MBNL2: variants seen among roughly 807,000 people sequenced by gnomAD.
The protein encoded by MBNL2 is muscleblind-like protein 2.
Under a neutral mutation model 41.9 loss-of-function variants are expected in MBNL2, and 17 were observed. That is an observed-to-expected ratio of 0.41 (90% CI 0.28 to 0.61). The LOEUF (loss-of-function observed/expected upper bound fraction) is 0.61, where lower values mean the gene tolerates loss of function less well. MBNL2 is among the 20% of genes least tolerant of loss of function. The probability of loss-of-function intolerance (pLI) is 0.35; values close to 1 mark genes in which losing one functional copy is unlikely to be tolerated. For missense variants in MBNL2, 336 were observed against 505.6 expected, an observed-to-expected ratio of 0.66 and a Z score of 3.22; for synonymous variants, 195 against 182.9, an observed-to-expected ratio of 1.07 and a Z score of -0.53.
chr13:97,245,793 CT>C (rs1345061008), intron 1 of MBNL2, among the ~76,000 whole-genome samples: 1 of 152,136 alleles, frequency 6.6e-6, no homozygotes, highest in Non-Finnish European at 1.5e-5. Context: ...TATTATTGCA[CT>C]TTTTGAAAGA....
chr13:97,288,738 T>C (rs9516895), intron 2 of MBNL2, among the ~76,000 whole-genome samples: 12,922 of 152,222 alleles, frequency 0.085, 613 homozygotes, highest in South Asian at 0.14. Context: ...TAGTCCAGTG[T>C]ATATTAGTCT....
rs2063029165 is a variant in MBNL2, at chr13:97,356,835, G to GCAA, written c.846_848dup (p.Thr283dup). 1 of 1,362,566 alleles carries GCAA rather than the reference G, an allele frequency of 7.3e-7. No homozygotes were observed. The highest frequency in any genetic ancestry group is 1.9e-5 in the Admixed American group (1 of 52,370). 84.4% of individuals were successfully genotyped at this position (1,362,566 alleles called of 1,614,324 possible). Reference sequence around the variant, plus strand: ...CAAAGCAATGAAGCGACCTCTCGAAGCAACTGTAGACCTGGTACTTTGACC... The same window carrying GCAA: ...CAAAGCAATGAAGCGACCTCTCGAAGCAACAACTGTAGACCTGGTACTTTGACC... On this transcript the variant is annotated inframe_insertion, in exon 6 of 9. Coordinates refer to ENST00000679496, the MANE Select transcript of MBNL2 (RefSeq NM_001382683.1).
At chr13:97,192,819 T>C in the MBNL2 span, among the ~76,000 whole-genome samples, 13 of 152,344 alleles carry the variant, frequency 8.5e-5, no homozygotes, top group Non-Finnish European at 1.2e-4. Context: ...GTGTAAGTTA[T>C]GATAAAAAGG....
At chr13:97,373,426 T>G (rs1344638571) in intron 8 of MBNL2, among the ~76,000 whole-genome samples, 1 of 149,020 alleles carries the variant, frequency 6.7e-6, no homozygotes, top group Non-Finnish European at 1.5e-5. Context: ...AGAGAGAGAG[T>G]GGAAGGATTG....
At chr13:97,205,665 T>C in the MBNL2 span, among the ~76,000 whole-genome samples, 7 of 152,188 alleles carry the variant, frequency 4.6e-5, no homozygotes, top group African/African-American at 1.7e-4. Context: ...TGTCAGAAGG[T>C]GACAGCTGTT....
chr13:97,223,718 TTAAA>T (rs1481556231), intron 1 of MBNL2, among the ~76,000 whole-genome samples: 1 of 152,214 alleles, frequency 6.6e-6, no homozygotes, highest in Non-Finnish European at 1.5e-5. Flanking sequence ...CTTATAATCT[TTAAA>T]TAAGAGGAAG....
chr13:97,312,722 C>T (rs1162478974), intron 2 of MBNL2, among the ~76,000 whole-genome samples: 1 of 152,180 alleles, frequency 6.6e-6, no homozygotes, highest in African/African-American at 2.4e-5. Context: ...ATTTACTACT[C>T]ATATGTTTTC....
At chr13:97,255,915 A>G (rs1423038134) in intron 1 of MBNL2, among the ~76,000 whole-genome samples, 1 of 152,240 alleles carries the variant, frequency 6.6e-6, no homozygotes, top group Non-Finnish European at 1.5e-5. Flanking sequence ...AACTGTGAGC[A>G]TGATCGTTTA....
At chr13:97,327,267 C>T (rs1190932305) in intron 2 of MBNL2, among the ~76,000 whole-genome samples, 1 of 152,220 alleles carries the variant, frequency 6.6e-6, no homozygotes, top group East Asian at 1.9e-4. Context: ...CCTCAAACCT[C>T]ATCACGTAGA....
chr13:97,366,308 G>C lies in MBNL2; in HGVS notation c.1048+1137G>C. The C allele has an allele frequency of 1.8e-6, 1 of 556,338 alleles. No individual in the cohort carries two copies. The highest frequency in any genetic ancestry group is 2.8e-5 in the East Asian group (1 of 35,658). 34.5% of individuals were successfully genotyped at this position (556,338 alleles called of 1,614,324 possible). On this transcript the variant is annotated intron_variant, in intron 8 of 8. Coordinates refer to ENST00000679496, the MANE Select transcript of MBNL2 (RefSeq NM_001382683.1). This position sits in a 1 kb window ranked among gnomAD's most constrained non-coding sequence, Gnocchi z 4.7. ...TTTCCCTTTTTTATTTCTCTCCCAT[G>C]CTTCCTTGCTTTGCATTGTGATTGC...
At chr13:97,191,328 G>C in the MBNL2 span, among the ~76,000 whole-genome samples, 2 of 149,836 alleles carry the variant, frequency 1.3e-5, no homozygotes, top group Non-Finnish European at 3.0e-5. Context: ...TGGAGCTGGG[G>C]ATTCAAGCTG....
At chr13:97,231,535 C>A (rs2042378331) in intron 1 of MBNL2, among the ~76,000 whole-genome samples, 1 of 152,190 alleles carries the variant, frequency 6.6e-6, no homozygotes, top group Non-Finnish European at 1.5e-5. Context: ...GCAGGTCTTT[C>A]CAGGCTGTTC....
rs1300108883 is a variant in MBNL2, at chr13:97,246,131, G to A, written c.-605+23600G>A. On this transcript the variant is annotated intron_variant, in intron 1 of 8. Coordinates refer to ENST00000679496, the MANE Select transcript of MBNL2 (RefSeq NM_001382683.1). ...GCCTCCAAAGTTGGCTGAAATTTCT[G>A]TTTGGAATTCAGAATTTGAATGCAT... Among the ~76,000 whole-genome samples, 3 of 152,162 alleles carry A rather than the reference G, an allele frequency of 2.0e-5. No homozygotes were observed. The East Asian group carries it at 5.8e-4, about 29-fold the overall frequency.
chr13:97,160,321 G>T, the MBNL2 span, among the ~76,000 whole-genome samples: 1 of 152,132 alleles, frequency 6.6e-6, no homozygotes, highest in Admixed American at 6.6e-5. Context: ...CAAAAGGCAA[G>T]AAGAAGCCCC....
intron 1 of MBNL2, among the ~76,000 whole-genome samples, chr13:97,263,083 G>A (rs1411388206): frequency 2.0e-5 from 3 of 151,870 alleles, no homozygotes; most frequent in Non-Finnish European, 2.9e-5. Context: ...TGCCACGCTC[G>A]ACCTTGAAGT....
At chr13:97,260,525 GAA>G (rs144204795) in intron 1 of MBNL2, among the ~76,000 whole-genome samples, 3,276 of 152,298 alleles carry the variant, frequency 0.022, 116 homozygotes, top group African/African-American at 0.073. Flanking sequence ...TTGTGAGAGA[GAA>G]TGCTGGCTCC....
intron 2 of MBNL2, among the ~76,000 whole-genome samples, chr13:97,310,491 G>A (rs1050614177): frequency 2.2e-4 from 33 of 150,952 alleles, no homozygotes; most frequent in African/African-American, 6.6e-4. Context: ...GTGCAGTGGC[G>A]CGATCTCGGC....
intron 2 of MBNL2, among the ~76,000 whole-genome samples, chr13:97,316,095 A>G (rs1448928405): frequency 4.0e-5 from 6 of 150,962 alleles, no homozygotes; most frequent in Non-Finnish European, 3.0e-5. Flanking sequence ...CTCAAACACC[A>G]CTCCTGCTAT....
At chr13:97,231,700 C>T (rs918988359) in intron 1 of MBNL2, among the ~76,000 whole-genome samples, 13 of 152,172 alleles carry the variant, frequency 8.5e-5, no homozygotes, top group Admixed American at 3.9e-4. Context: ...ATTCCCGAGA[C>T]GTCTATCTTC....
Sources: gnomAD v4.1 joint callset for allele counts (sites outside exome capture counted in the v4.1 genomes callset) on GRCh38, gnomAD v4.1.1 for gene constraint, Gnocchi (gnomAD v3.1) non-coding constraint, MANE v1.5 for transcripts, NCBI Gene and HGNC (gene_info 2026-07-23, HGNC 2026-07-21) for gene names.